The following CTNND2 variants were observed in gnomAD, a reference collection of about 807,000 sequenced individuals.
The protein encoded by CTNND2 is catenin delta 2.
In CTNND2, 22 loss-of-function variants were observed where a neutral mutation model predicts 144.4. The observed-to-expected ratio is 0.15, with a 90% CI of 0.11 to 0.22. CTNND2 has a LOEUF of 0.22. Ranked by LOEUF, CTNND2 falls within the 10% of genes least tolerant of loss-of-function variation. The probability of loss-of-function intolerance (pLI) is 1.00; values close to 1 mark genes in which losing one functional copy is unlikely to be tolerated. For missense variants in CTNND2, 1,353 were observed against 1,618.8 expected (o/e 0.84, Z 2.82); for synonymous variants, 751 against 695.6 (o/e 1.08, Z -1.25).
At chr5:11,844,224 A>G (rs1322644965) in intron 1 of CTNND2, among the ~76,000 whole-genome samples, 2 of 152,182 alleles carry the variant, frequency 1.3e-5, no homozygotes, top group African/African-American at 4.8e-5. Flanking sequence ...TTACTTAGGG[A>G]TGAACATCTT....
In CTNND2 at chr5:11,800,502, T is replaced by G. The variant is rs184630638; in HGVS notation, c.38-68230A>C. ...GCAGAATTAATAAACAGAAACTGAC[T>G]AGCATACATCCCTTAATTTATTCAC... On this transcript the variant is annotated intron_variant, in intron 1 of 21. Transcript: ENST00000304623. 2.0e-5 allele frequency among the ~76,000 whole-genome samples: 3 copies of G among 152,292 alleles called. No homozygotes were observed. In the South Asian group the frequency reaches 6.2e-4, roughly 32 times the overall value.
At chr5:11,641,824 G>A (rs962829933) in intron 2 of CTNND2, among the ~76,000 whole-genome samples, 11 of 141,594 alleles carry the variant, frequency 7.8e-5, no homozygotes, top group East Asian at 2.4e-4. Context: ...ATACATATAC[G>A]TATATGTGTA....
At chr5:11,333,636 C>T (rs1753416517) in intron 9 of CTNND2, among the ~76,000 whole-genome samples, 1 of 152,194 alleles carries the variant, frequency 6.6e-6, no homozygotes, top group Non-Finnish European at 1.5e-5. Context: ...ACTTATGACA[C>T]CTCACAGGTT....
intron 9 of CTNND2, among the ~76,000 whole-genome samples, chr5:11,311,008 CCA>C (rs756944388): frequency 1.0e-4 from 13 of 128,026 alleles, no homozygotes; most frequent in Non-Finnish European, 1.8e-4. Context: ...CACCCTCACC[CCA>C]CACACACAAT....
At chr5:11,449,170 T>C (rs1202271899) in intron 3 of CTNND2, among the ~76,000 whole-genome samples, 1 of 152,072 alleles carries the variant, frequency 6.6e-6, no homozygotes, top group Non-Finnish European at 1.5e-5. Flanking sequence ...TGAGGTCATA[T>C]AAATAAATGT....
At chr5:11,680,468 C>T (rs750363979) in intron 2 of CTNND2, among the ~76,000 whole-genome samples, 3 of 152,086 alleles carry the variant, frequency 2.0e-5, no homozygotes, top group South Asian at 2.1e-4. Context: ...CACCCCACCA[C>T]GCACAGGACA....
intron 9 of CTNND2, among the ~76,000 whole-genome samples, chr5:11,310,216 A>G (rs1328995548): frequency 5.9e-5 from 9 of 152,074 alleles, no homozygotes; most frequent in Non-Finnish European, 4.4e-5. Context: ...ACAGCCTCTC[A>G]CAGAGTTCCT....
intron 12 of CTNND2, among the ~76,000 whole-genome samples, chr5:11,155,247 T>C (rs1031999455): frequency 2.0e-5 from 3 of 152,312 alleles, no homozygotes; most frequent in Non-Finnish European, 4.4e-5. Context: ...GATCACACGA[T>C]GTGCAAGGAA....
At chr5:11,158,228 T>C (rs563238374) in intron 12 of CTNND2, among the ~76,000 whole-genome samples, 1 of 152,224 alleles carries the variant, frequency 6.6e-6, no homozygotes, top group South Asian at 2.1e-4. Flanking sequence ...AAAAACACTT[T>C]TAAATAGTTG....
chr5:11,052,692 T>A (rs566621412), intron 16 of CTNND2, among the ~76,000 whole-genome samples: 5 of 152,096 alleles, frequency 3.3e-5, no homozygotes, highest in Non-Finnish European at 7.4e-5. Flanking sequence ...CTTACCACAG[T>A]AAGAAATAAA....
chr5:11,398,315 T>C (rs554896650), intron 5 of CTNND2, among the ~76,000 whole-genome samples: 55 of 152,348 alleles, frequency 3.6e-4, no homozygotes, highest in Non-Finnish European at 7.1e-4. Context: ...TTTTTAAGAA[T>C]GGAACATGAC....
intron 10 of CTNND2, among the ~76,000 whole-genome samples, chr5:11,223,420 T>C (rs772215203): frequency 1.3e-5 from 2 of 152,214 alleles, no homozygotes; most frequent in Non-Finnish European, 2.9e-5. Context: ...TTTTCCTTTC[T>C]TGCTGCCTCC....
At chr5:11,256,595 G>A (rs1744276078) in intron 9 of CTNND2, among the ~76,000 whole-genome samples, 2 of 152,134 alleles carry the variant, frequency 1.3e-5, no homozygotes, top group African/African-American at 4.8e-5. Context: ...AAATAAGAAT[G>A]ATGACAGAAA....
intron 3 of CTNND2, among the ~76,000 whole-genome samples, chr5:11,422,104 T>C (rs1263190097): frequency 6.6e-6 from 1 of 152,124 alleles, no homozygotes; most frequent in Non-Finnish European, 1.5e-5. Context: ...TTCACAGAAC[T>C]GAAAGATGAA....
chr5:11,279,148 G>A (rs942612171), intron 9 of CTNND2, among the ~76,000 whole-genome samples: 3 of 152,216 alleles, frequency 2.0e-5, no homozygotes, highest in South Asian at 2.1e-4. Context: ...ATGATTGCTC[G>A]GTTCTATAGA....
chr5:11,752,491 T>C (rs1449011710), intron 1 of CTNND2, among the ~76,000 whole-genome samples: 1 of 151,822 alleles, frequency 6.6e-6, no homozygotes, highest in East Asian at 1.9e-4. Flanking sequence ...TGCAGGTATC[T>C]GGCTTTATTT....
intron 18 of CTNND2, among the ~76,000 whole-genome samples, chr5:11,009,742 CT>C (rs1740863928): frequency 6.6e-6 from 1 of 152,214 alleles, no homozygotes; most frequent in African/African-American, 2.4e-5. Flanking sequence ...GGGATTTCCC[CT>C]GACTTGGGGA....
At chr5:11,145,469 T>A (rs1203289685) in intron 12 of CTNND2, among the ~76,000 whole-genome samples, 1 of 152,076 alleles carries the variant, frequency 6.6e-6, no homozygotes, top group East Asian at 1.9e-4. Context: ...CAGATGAGGA[T>A]GCCTGCTCCT....
At chr5:11,474,394 T>C (rs1767524733) in intron 3 of CTNND2, among the ~76,000 whole-genome samples, 1 of 152,088 alleles carries the variant, frequency 6.6e-6, no homozygotes, top group Non-Finnish European at 1.5e-5. Context: ...AATAGAAAAA[T>C]AATGTTTTTG....
Sources: gnomAD v4.1 joint callset for allele counts (sites outside exome capture counted in the v4.1 genomes callset) on GRCh38, gnomAD v4.1.1 for gene constraint, MANE v1.5 for transcripts, NCBI Gene and HGNC (gene_info 2026-07-23, HGNC 2026-07-21) for gene names.